Variants in CEP112 observed in about 807,000 individuals in gnomAD.
The protein encoded by CEP112 is centrosomal protein of 112 kDa.
Under a neutral mutation model 153.0 loss-of-function variants are expected in CEP112, and 127 were observed. That is an observed-to-expected ratio of 0.83 (90% confidence interval 0.72 to 0.96). The LOEUF is 0.96. CEP112 is among the 40% of genes least tolerant of loss of function. The pLI, the probability that CEP112 is intolerant of heterozygous loss-of-function variation, is 0.00. For missense variants in CEP112, 1,089 were observed against 1,101.2 expected, an observed-to-expected ratio of 0.99 and a Z score of 0.16; for synonymous variants, 358 against 374.4, an observed-to-expected ratio of 0.96 and a Z score of 0.51.
chr17:66,084,685 G>C (rs564705466), intron 8 of CEP112, among the ~76,000 whole-genome samples: 10 of 152,082 alleles, frequency 6.6e-5, no homozygotes, highest in East Asian at 3.9e-4. Flanking sequence ...GGGAAGGCAG[G>C]GGGGGAGTTG....
intron 21 of CEP112, among the ~76,000 whole-genome samples, chr17:65,769,220 G>T (rs2053191673): frequency 6.6e-6 from 1 of 151,798 alleles, no homozygotes; most frequent in East Asian, 1.9e-4. Context: ...TTTAACCAAG[G>T]AGAGACCTGT....
chr17:65,932,897 G>A (rs191607437), intron 18 of CEP112, among the ~76,000 whole-genome samples: 4 of 152,224 alleles, frequency 2.6e-5, no homozygotes, highest in East Asian at 1.9e-4. Context: ...GATCTACACC[G>A]TATCAATAGA....
chr17:65,674,396 C>T (rs1382381105), intron 24 of CEP112, among the ~76,000 whole-genome samples: 1 of 152,168 alleles, frequency 6.6e-6, no homozygotes, highest in African/African-American at 2.4e-5. Context: ...GTAAAGCTGG[C>T]ATGTGGGGAC....
At chr17:66,176,806 T>C (rs745467430) in intron 3 of CEP112, 24 bp downstream of exon 3, 3 of 1,558,644 alleles carry the variant, frequency 1.9e-6, no homozygotes, top group East Asian at 2.2e-5. Flanking sequence ...AACTAATATA[T>C]ACCTTTTGTT....
intron 23 of CEP112, among the ~76,000 whole-genome samples, chr17:65,723,251 G>A (rs142988956): frequency 4.6e-5 from 7 of 151,956 alleles, no homozygotes; most frequent in Non-Finnish European, 4.4e-5. Flanking sequence ...GGCCAAACTC[G>A]GAGACTTTGT....
intron 3 of CEP112, chr17:66,176,618 G>C: frequency 5.3e-6 from 2 of 380,298 alleles, no homozygotes; most frequent in Non-Finnish European, 9.3e-6. Flanking sequence ...TGAATACTGA[G>C]GCATAACTAA....
At position 66,029,180 on chromosome 17, in the gene CEP112, G is replaced by T. The variant is rs149063261; in HGVS notation, c.1446C>A (p.Thr482=). The T allele has an allele frequency of 1.4e-3, 2,238 of 1,609,280 alleles. 2 individuals carry two copies. Among genetic ancestry groups the T allele is most frequent in the Non-Finnish European group, 1.8e-3 (2,086 of 1,176,134 alleles). Residue 482 remains threonine (T), a synonymous_variant, in exon 14 of 27, where the codon ACC becomes ACA. Transcript: ENST00000535342. ...GAAGGTTTATATCAGCATCATATTT[G>T]GTTTGTAACAGTTTCATGTTTTGCT... ...DYEQNMKLLQ[T]KYDADINLLK...
intron 6 of CEP112, among the ~76,000 whole-genome samples, chr17:66,103,133 G>C (rs993199137): frequency 6.6e-5 from 10 of 151,998 alleles, no homozygotes; most frequent in African/African-American, 2.4e-4. Flanking sequence ...GCTGAGGCAG[G>C]AGAACTGCTT....
In CEP112 at chr17:66,020,295, G is replaced by T. The variant is rs549499144; in HGVS notation, c.1656+7206C>A. On this transcript the variant is annotated intron_variant, in intron 16 of 26. Coordinates refer to ENST00000535342, the MANE Select transcript of CEP112 (RefSeq NM_001199165.4). The stretch of plus-strand genomic sequence containing the variant: ...TCATATGAAATATACTTAACATTTT[G>T]TATTGAGCTGCATTAAAACTGCAAC... Among the ~76,000 whole-genome samples the T allele has an allele frequency of 2.6e-3, 398 of 152,224 alleles. 1 individual carries two copies. The highest frequency in any genetic ancestry group is 9.2e-3 in the African/African-American group (382 of 41,560).
At chr17:66,144,038 G>A (rs1459429203) in intron 4 of CEP112, among the ~76,000 whole-genome samples, 1 of 152,142 alleles carries the variant, frequency 6.6e-6, no homozygotes, top group Non-Finnish European at 1.5e-5. Flanking sequence ...TTAGTTCACA[G>A]GTTCAGGCTG....
chr17:66,065,545 C>G (rs1174235857), intron 10 of CEP112, among the ~76,000 whole-genome samples: 1 of 152,082 alleles, frequency 6.6e-6, no homozygotes, highest in Non-Finnish European at 1.5e-5. Flanking sequence ...CCAGCATCTA[C>G]AGGACAAAGT....
chr17:66,135,106 T>C lies in CEP112; in HGVS notation c.471-2343A>G, dbSNP rs544449785. On this transcript the variant is annotated intron_variant, in intron 4 of 26. Transcript: ENST00000535342. The stretch of plus-strand genomic sequence containing the variant: ...ACAAAATGAATAGCCCTACTTCCAA[T>C]TCAACATGTCCATTATTATTAACTA... Among the ~76,000 whole-genome samples, 22 of 152,308 alleles carry C rather than the reference T, an allele frequency of 1.4e-4. No individual in the cohort carries two copies. In the East Asian group the frequency reaches 3.1e-3, roughly 21 times the overall value.
intron 12 of CEP112, among the ~76,000 whole-genome samples, chr17:66,043,779 C>G (rs938510506): frequency 6.6e-6 from 1 of 152,120 alleles, no homozygotes; most frequent in Non-Finnish European, 1.5e-5. Context: ...TACCAAAATG[C>G]GTAAGTCTCA....
At chr17:66,078,257 CTTTTTCTTTTT>C (rs1032791563) in intron 8 of CEP112, among the ~76,000 whole-genome samples, 28 of 50,780 alleles carry the variant, frequency 5.5e-4, no homozygotes, top group East Asian at 7.0e-3. Flanking sequence ...CTTTTCTTTT[CTTTTTCTTTTT>C]TTTTTTTTTG....
chr17:65,867,064 G>A (rs1168337081), intron 20 of CEP112, among the ~76,000 whole-genome samples: 1 of 152,154 alleles, frequency 6.6e-6, no homozygotes, highest in Non-Finnish European at 1.5e-5. Context: ...CCCAAGCCAG[G>A]GCTGTAACAT....
intron 19 of CEP112, among the ~76,000 whole-genome samples, chr17:65,916,974 T>C (rs2060517679): frequency 6.6e-6 from 1 of 152,158 alleles, no homozygotes; most frequent in Non-Finnish European, 1.5e-5. Flanking sequence ...TCACTAAATA[T>C]CAGCACCCTT....
intron 24 of CEP112, among the ~76,000 whole-genome samples, chr17:65,653,195 A>G (rs1279906976): frequency 6.6e-6 from 1 of 152,228 alleles, no homozygotes; most frequent in Non-Finnish European, 1.5e-5. Flanking sequence ...AGCAGTGTGC[A>G]TATGAATTTT....
chr17:65,763,945 G>C (rs1355341771), intron 21 of CEP112, among the ~76,000 whole-genome samples: 1 of 151,934 alleles, frequency 6.6e-6, no homozygotes, highest in Non-Finnish European at 1.5e-5. Context: ...TTAATCATGT[G>C]GTGGTAACGT....
chr17:65,724,446 A>C (rs1164565425), intron 23 of CEP112, among the ~76,000 whole-genome samples: 2 of 152,262 alleles, frequency 1.3e-5, no homozygotes, highest in Non-Finnish European at 2.9e-5. Context: ...TGTAAAATAG[A>C]ATGCGCTAGA....
Sources: allele counts gnomAD v4.1 joint callset (sites outside exome capture counted in the v4.1 genomes callset), GRCh38; gene constraint gnomAD v4.1.1; transcripts MANE v1.5; gene names NCBI Gene and HGNC (gene_info 2026-07-23, HGNC 2026-07-21).